CXXC5: variants seen among roughly 807,000 people sequenced by gnomAD.
CXXC5 encodes the protein CXXC-type zinc finger protein 5.
A neutral mutation model predicts 17.6 loss-of-function variants in CXXC5; 2 were observed. The ratio of observed to expected loss-of-function variants is 0.11; its 90% CI spans 0.05 to 0.36. The LOEUF (loss-of-function observed/expected upper bound fraction) is 0.36. CXXC5 is among the 10% of genes least tolerant of loss of function. CXXC5 has a pLI of 1.00. For synonymous variants in CXXC5, 171 were observed against 193.0 expected (o/e 0.89, Z 0.94); for missense variants, 343 against 458.3 (o/e 0.75, Z 2.30).
rs1757114025 is a variant in CXXC5 at position 139,680,422 on chromosome 5, A to T, written c.-102A>T. The T allele has an allele frequency of 6.9e-7, 1 of 1,445,292 alleles. No homozygotes were observed. Among genetic ancestry groups the T allele is most frequent in the Admixed American group, 2.5e-5 (1 of 39,594 alleles). 89.5% of individuals were successfully genotyped at this position (1,445,292 alleles called of 1,614,324 possible). A position where few individuals can be genotyped will look rare whatever the true frequency, so the allele number is the denominator to read the frequency against. On this transcript the variant is annotated 5_prime_UTR_variant, in exon 2 of 3. Transcript: ENST00000302517. The stretch of plus-strand genomic sequence containing the variant: ...GTGCCTGCCCTGAGCAGCGAGGCCC[A>T]CCAGGCATCTCTGTTGTGGGCAGCA...
chr5:139,651,445 C>T (rs1296080762), intron 1 of CXXC5, among the ~76,000 whole-genome samples: 5 of 152,104 alleles, frequency 3.3e-5, no homozygotes, highest in Admixed American at 2.6e-4. Context: ...TCCAGGGCAC[C>T]GGCCAGCACA....
In CXXC5 at chr5:139,668,247, G is replaced by T. The variant is rs998367772; in HGVS notation, c.-160-12117G>T. On this transcript the variant is annotated intron_variant, in intron 1 of 2. Coordinates refer to ENST00000302517, the MANE Select transcript of CXXC5 (RefSeq NM_016463.9). The surrounding 1 kb of genome is among the most constrained non-coding windows in gnomAD (Gnocchi z 4.1). Reference sequence around the variant, plus strand: ...TGAAAGCCTCTAATTGCTGCGCCTGGTGGCACCGTGGAATGAGGGGAGGCC... The same window carrying T: ...TGAAAGCCTCTAATTGCTGCGCCTGTTGGCACCGTGGAATGAGGGGAGGCC... Among the ~76,000 whole-genome samples, 2 of 152,034 alleles carry T rather than the reference G, an allele frequency of 1.3e-5. No individual in the cohort carries two copies. The highest frequency in any genetic ancestry group is 4.8e-5 in the African/African-American group (2 of 41,394).
At position 139,673,434 on chromosome 5, in the gene CXXC5, A is replaced by G. The variant is rs1756589485; in HGVS notation, c.-160-6930A>G. ...TGTCTTTATCAGAGGCATCCCAGGC[A>G]TCTCAGTCCCTAGAGCCCCAGGTCA... On this transcript the variant is annotated intron_variant, in intron 1 of 2. Coordinates refer to ENST00000302517, the MANE Select transcript of CXXC5 (RefSeq NM_016463.9). Among the ~76,000 whole-genome samples the G allele has an allele frequency of 3.3e-5, 5 of 152,218 alleles. No individual in the cohort carries two copies. The South Asian group carries it at 1.0e-3, about 31-fold the overall frequency.
chr5:139,669,945 C>T (rs1756359116), intron 1 of CXXC5, among the ~76,000 whole-genome samples: 1 of 152,340 alleles, frequency 6.6e-6, no homozygotes, highest in Non-Finnish European at 1.5e-5. Flanking sequence ...CTGGCTCCCG[C>T]CTCATGGGGT....
chr5:139,652,144 GCCGGCGC>G (rs1296519288), intron 1 of CXXC5, among the ~76,000 whole-genome samples: 1 of 98,522 alleles, frequency 1.0e-5, no homozygotes, highest in African/African-American at 4.9e-5. Context: ...CATCCTAGCC[GCCGGCGC>G]GCGCGCGCGC....
rs1275266330 is a variant in CXXC5, at chr5:139,682,729, C to G, written c.925-134C>G. On this transcript the variant is annotated intron_variant, in intron 2 of 2. Transcript: ENST00000302517. ...TTTGGCCTGGCTGGGGTGGCAGGAGCTCCGAGGGGTGGCTGCTCTTCCTCC... is the reference window on the plus strand; with the variant it reads ...TTTGGCCTGGCTGGGGTGGCAGGAGGTCCGAGGGGTGGCTGCTCTTCCTCC... 3.3e-6 allele frequency: 3 copies of G among 897,252 alleles called. No individual in the cohort carries two copies. In the African/African-American group the frequency reaches 5.2e-5, roughly 16 times the overall value. 55.6% of individuals were successfully genotyped at this position (897,252 alleles called of 1,614,324 possible).
intron 1 of CXXC5, among the ~76,000 whole-genome samples, chr5:139,664,486 A>AG (rs1215273634): frequency 6.6e-6 from 1 of 152,150 alleles, no homozygotes; most frequent in Admixed American, 6.5e-5. Flanking sequence ...ACTTAGCACC[A>AG]GGCGCTGCAT....
chr5:139,670,413 A>T lies in CXXC5; in HGVS notation c.-160-9951A>T, dbSNP rs1756395501. ...TCTCAGAGGCACAAACTGAACCTGG[A>T]TGGAACCAGCCCCCACCACAGCCCA... On this transcript the variant is annotated intron_variant, in intron 1 of 2. Transcript: ENST00000302517. The surrounding 1 kb of genome is among the most constrained non-coding windows in gnomAD (Gnocchi z 4.2). 6.6e-6 allele frequency among the ~76,000 whole-genome samples: 1 copy of T among 152,130 alleles called. No homozygotes were observed. Among genetic ancestry groups the T allele is most frequent in the East Asian group, 1.9e-4 (1 of 5,198 alleles).
intron 1 of CXXC5, among the ~76,000 whole-genome samples, chr5:139,660,168 G>C (rs534258111): frequency 6.6e-6 from 1 of 152,364 alleles, no homozygotes; most frequent in South Asian, 2.1e-4. Flanking sequence ...AGTGCAGTGA[G>C]GGGAGCGGGA....
chr5:139,660,243 G>A (rs1173774748), intron 1 of CXXC5, among the ~76,000 whole-genome samples: 1 of 152,232 alleles, frequency 6.6e-6, no homozygotes, highest in East Asian at 1.9e-4. Context: ...AGGGCCTGCA[G>A]GCTCAAAGAG....
At chr5:139,669,423 G>A (rs1470553713) in intron 1 of CXXC5, among the ~76,000 whole-genome samples, 1 of 152,018 alleles carries the variant, frequency 6.6e-6, no homozygotes, top group Non-Finnish European at 1.5e-5. Context: ...CCGCCATAGC[G>A]GGAGAGAGGG....
intron 1 of CXXC5, among the ~76,000 whole-genome samples, chr5:139,657,327 A>G (rs1755542602): frequency 6.6e-6 from 1 of 152,072 alleles, no homozygotes; most frequent in Non-Finnish European, 1.5e-5. Flanking sequence ...CACCTTCCAC[A>G]CTATCTGGCA....
At chr5:139,676,633 C>T (rs1408394860) in intron 1 of CXXC5, among the ~76,000 whole-genome samples, 3 of 134,094 alleles carry the variant, frequency 2.2e-5, no homozygotes, top group East Asian at 4.5e-4. Context: ...CTGATCTGGT[C>T]TCCTCGCCAC....
At chr5:139,656,022 A>AC (rs1755479994) in intron 1 of CXXC5, among the ~76,000 whole-genome samples, 1 of 152,032 alleles carries the variant, frequency 6.6e-6, no homozygotes, top group African/African-American at 2.4e-5. Context: ...TGTCTGGCAG[A>AC]CCCTACATCG....
chr5:139,666,586 C>T (rs1234048071), intron 1 of CXXC5, among the ~76,000 whole-genome samples: 1 of 152,212 alleles, frequency 6.6e-6, no homozygotes, highest in Non-Finnish European at 1.5e-5. Flanking sequence ...GATACTGAGC[C>T]ACAAAGAGGC....
chr5:139,669,992 G>A (rs1451851289), intron 1 of CXXC5, among the ~76,000 whole-genome samples: 1 of 152,196 alleles, frequency 6.6e-6, no homozygotes, highest in South Asian at 2.1e-4. Context: ...AGCCTCCATC[G>A]ACCCTGGCCT....
chr5:139,678,791 A>T (rs966682389), intron 1 of CXXC5, among the ~76,000 whole-genome samples: 1 of 152,162 alleles, frequency 6.6e-6, no homozygotes, highest in Non-Finnish European at 1.5e-5. Flanking sequence ...CCAGGGCGTG[A>T]TGGGGCCCGC....
chr5:139,652,152 G>A (rs1295330802), intron 1 of CXXC5, among the ~76,000 whole-genome samples: 200 of 68,032 alleles, frequency 2.9e-3, no homozygotes, highest in African/African-American at 1.3e-3. Context: ...CCGCCGGCGC[G>A]CGCGCGCGCG....
chr5:139,682,452 A>G (rs1181016676), intron 2 of CXXC5, among the ~76,000 whole-genome samples: 1 of 152,056 alleles, frequency 6.6e-6, no homozygotes, highest in African/African-American at 2.4e-5. Context: ...CGCTTGAGAA[A>G]TAGCTCAAAT....
Sources: gnomAD v4.1 joint callset for allele counts (sites outside exome capture counted in the v4.1 genomes callset) on GRCh38, gnomAD v4.1.1 for gene constraint, Gnocchi (gnomAD v3.1) non-coding constraint, MANE v1.5 for transcripts, NCBI Gene and HGNC (gene_info 2026-07-23, HGNC 2026-07-21) for gene names.